Variants in MINAR1 observed in about 807,000 individuals in gnomAD.
MINAR1 encodes membrane integral NOTCH2 associated receptor 1.
In MINAR1, 40 loss-of-function variants were observed where a neutral mutation model predicts 65.1. That is an observed-to-expected ratio of 0.61 (90% CI 0.48 to 0.80). The LOEUF is 0.80. MINAR1 is among the 30% of genes least tolerant of loss of function. The pLI is 0.00. For synonymous variants in MINAR1, 482 were observed against 449.1 expected (o/e 1.07, Z -0.93); for missense variants, 1,128 against 1,148.0 (o/e 0.98, Z 0.25).
chr15:79,446,486 CTG>C (rs1446905754), intron 1 of MINAR1, among the ~76,000 whole-genome samples: 2 of 151,702 alleles, frequency 1.3e-5, no homozygotes, highest in Non-Finnish European at 1.5e-5. Flanking sequence ...ATAAAATTAT[CTG>C]TATATTATTT....
intron 1 of MINAR1, among the ~76,000 whole-genome samples, chr15:79,441,134 C>T (rs1379051026): frequency 2.0e-5 from 3 of 151,890 alleles, no homozygotes. Context: ...CTCAAATTCC[C>T]CTTGCCAGGA....
At chr15:79,446,193 CTTAAAA>C (rs199617983) in intron 1 of MINAR1, among the ~76,000 whole-genome samples, 1,962 of 152,096 alleles carry the variant, frequency 0.013, 43 homozygotes, top group African/African-American at 0.045. Context: ...GCATATTTGA[CTTAAAA>C]TTTAAATTTA....
At chr15:79,415,843 G>A in the MINAR1 span, 1 of 152,218 alleles carries the variant, frequency 6.6e-6, no homozygotes, top group African/African-American at 2.4e-5. Flanking sequence ...GAGACCTGGA[G>A]ATAGCTCAGG....
chr15:79,442,355 A>G (rs1445183252), intron 1 of MINAR1, among the ~76,000 whole-genome samples: 1 of 152,018 alleles, frequency 6.6e-6, no homozygotes, highest in African/African-American at 2.4e-5. Flanking sequence ...TTATTTTCTC[A>G]TTGAGTTGAA....
intron 3 of MINAR1, among the ~76,000 whole-genome samples, chr15:79,467,515 C>G (rs771033522): frequency 6.6e-6 from 1 of 152,152 alleles, no homozygotes; most frequent in African/African-American, 2.4e-5. Context: ...GATCAGCAGA[C>G]AAATGTCAGT....
chr15:79,456,724 G>A lies in MINAR1; in HGVS notation c.577G>A (p.Asp193Asn). The change falls in exon 2 of 4, where the codon GAC (aspartate) becomes AAC (asparagine). Residue 193 changes from aspartate to asparagine, a missense_variant. Asp to Asn is a conservative substitution (Grantham distance 23). Transcript: ENST00000305428. ...KEVKNRAASLDRLQALAPYSV... is the reference protein window; with the variant it reads ...KEVKNRAASLNRLQALAPYSV... ...GGTGAAAAACCGCGCCGCTTCCCTGGACAGGTTGCAGGCCCTGGCTCCGTA... is the reference window on the plus strand; with the variant it reads ...GGTGAAAAACCGCGCCGCTTCCCTGAACAGGTTGCAGGCCCTGGCTCCGTA... 6.2e-7 allele frequency: 1 copy of A among 1,614,154 alleles called. No homozygotes were observed. Among genetic ancestry groups the A allele is most frequent in the Non-Finnish European group, 8.5e-7 (1 of 1,180,018 alleles).
upstream of MINAR1, among the ~76,000 whole-genome samples, chr15:79,429,635 C>G (rs1894393661): frequency 6.6e-6 from 1 of 152,168 alleles, no homozygotes; most frequent in Admixed American, 6.5e-5. Flanking sequence ...TTGCCCAGAC[C>G]AAAACATTTT....
chr15:79,411,674 A>C, the MINAR1 span: 2 of 568,752 alleles, frequency 3.5e-6, no homozygotes, highest in Non-Finnish European at 6.3e-6. Context: ...ACCTGCTCTC[A>C]CCACAGGCCT....
chr15:79,445,825 G>A (rs1288237708), intron 1 of MINAR1, among the ~76,000 whole-genome samples: 7 of 152,234 alleles, frequency 4.6e-5, no homozygotes, highest in African/African-American at 1.7e-4. Flanking sequence ...TGGGATTACA[G>A]GCGTGAGCCA....
At position 79,457,729 on chromosome 15, in the gene MINAR1, A is replaced by G; in HGVS notation, c.1582A>G (p.Met528Val). ...TGACATTTTCCGATTTCTTGATGAC[A>G]TGAGCATCAGTGGCTCCACGGGAGT... ...ISDIFRFLDDMSISGSTGVIQ... is the reference protein window; with the variant it reads ...ISDIFRFLDDVSISGSTGVIQ... Residue 528 changes from methionine to valine, a missense_variant, in exon 2 of 4, where the codon ATG becomes GTG. Met to Val is a conservative substitution (Grantham distance 21). Transcript: ENST00000305428. 2 of 1,614,230 alleles carry G rather than the reference A, an allele frequency of 1.2e-6. No individual in the cohort carries two copies. The highest frequency in any genetic ancestry group is 1.7e-6 in the Non-Finnish European group (2 of 1,180,042).
chr15:79,458,759 C>A (rs1236692990), intron 2 of MINAR1, among the ~76,000 whole-genome samples: 1 of 152,198 alleles, frequency 6.6e-6, no homozygotes, highest in African/African-American at 2.4e-5. Flanking sequence ...TCAGAGCAGG[C>A]AAGCATCACC....
chr15:79,461,724 G>C (rs1163279231), intron 2 of MINAR1, among the ~76,000 whole-genome samples: 1 of 152,168 alleles, frequency 6.6e-6, no homozygotes, highest in Non-Finnish European at 1.5e-5. Context: ...GTGGAGATGT[G>C]TTTCCAGTCC....
At chr15:79,433,503 A>G (rs906630616) in intron 1 of MINAR1, among the ~76,000 whole-genome samples, 1 of 152,044 alleles carries the variant, frequency 6.6e-6, no homozygotes, top group Non-Finnish European at 1.5e-5. Flanking sequence ...CTTCTCACCC[A>G]TTTCTCTTGT....
At chr15:79,459,155 G>A (rs1009844418) in intron 2 of MINAR1, among the ~76,000 whole-genome samples, 1 of 151,674 alleles carries the variant, frequency 6.6e-6, no homozygotes, top group African/African-American at 2.4e-5. Context: ...CTCCAGCCTG[G>A]GTAACAGAGC....
At chr15:79,455,602 T>C (rs1453232825) in intron 1 of MINAR1, among the ~76,000 whole-genome samples, 2 of 152,204 alleles carry the variant, frequency 1.3e-5, no homozygotes, top group African/African-American at 4.8e-5. Context: ...TCTTCCAGAA[T>C]GTCATTAAGA....
chr15:79,423,930 C>A, the MINAR1 span: 4 of 152,188 alleles, frequency 2.6e-5, no homozygotes, highest in Non-Finnish European at 5.9e-5. Flanking sequence ...CATTCAGATG[C>A]AGCTAACAGA....
rs373957321 is a variant in MINAR1, at chr15:79,463,294, G to A, written c.2526G>A (p.Lys842=). 6.8e-6 allele frequency: 11 copies of A among 1,613,868 alleles called. No individual in the cohort carries two copies. Among genetic ancestry groups the A allele is most frequent in the Non-Finnish European group, 8.5e-6 (10 of 1,179,880 alleles). ...AGTATGCACGGAATGCGGGCGACAA[G>A]GGCAAGCTGACAGCCCTGGACCTGC... is the stretch of plus-strand genomic sequence containing the variant. ...IEEYARNAGD[K]GKLTALDLQT... Residue 842 remains lysine (K), a synonymous_variant, in exon 3 of 4, where the codon AAG becomes AAA. Transcript: ENST00000305428.
chr15:79,449,298 A>G (rs1287140648), intron 1 of MINAR1, among the ~76,000 whole-genome samples: 1 of 152,152 alleles, frequency 6.6e-6, no homozygotes, highest in Non-Finnish European at 1.5e-5. Context: ...CCCAGCTCTC[A>G]TTTACTACAG....
upstream of MINAR1, among the ~76,000 whole-genome samples, chr15:79,429,281 T>C (rs1894387113): frequency 6.6e-6 from 1 of 152,246 alleles, no homozygotes; most frequent in South Asian, 2.1e-4. Context: ...AAACCGTCCA[T>C]GTTTCTGGGT....
Sources: gnomAD v4.1 joint callset for allele counts (sites outside exome capture counted in the v4.1 genomes callset) on GRCh38, gnomAD v4.1.1 for gene constraint, MANE v1.5 for transcripts, NCBI Gene and HGNC (gene_info 2026-07-23, HGNC 2026-07-21) for gene names.